ATRNL1: variants seen among roughly 807,000 people sequenced by gnomAD.
ATRNL1 encodes the protein attractin-like protein 1.
In ATRNL1, 95 loss-of-function variants were observed where a neutral mutation model predicts 182.7. The observed-to-expected ratio is 0.52, with a 90% CI of 0.44 to 0.62. ATRNL1 has a LOEUF of 0.62. ATRNL1 is among the 20% of genes least tolerant of loss of function. The probability of loss-of-function intolerance (pLI) is 0.00; values close to 1 mark genes in which losing one functional copy is unlikely to be tolerated. For synonymous variants in ATRNL1, 576 were observed against 568.3 expected (o/e 1.01, Z -0.19); for missense variants, 1,471 against 1,679.5 (o/e 0.88, Z 2.17).
chr10:115,245,328 G>A (rs934342315), intron 10 of ATRNL1, among the ~76,000 whole-genome samples: 2 of 151,422 alleles, frequency 1.3e-5, no homozygotes, highest in Admixed American at 6.6e-5. Flanking sequence ...GAGAAACCCC[G>A]TCTCTACTAA....
intron 28 of ATRNL1, among the ~76,000 whole-genome samples, chr10:115,880,735 A>T (rs553590422): frequency 6.6e-6 from 1 of 152,284 alleles, no homozygotes; most frequent in Admixed American, 6.5e-5. Context: ...TCATTTACCT[A>T]ATCAGTATTG....
chr10:115,217,244 A>G (rs1437134092), intron 9 of ATRNL1, among the ~76,000 whole-genome samples: 2 of 152,108 alleles, frequency 1.3e-5, no homozygotes, highest in Non-Finnish European at 2.9e-5. Context: ...ACACACCACC[A>G]TGCCCGGCTA....
intron 24 of ATRNL1, among the ~76,000 whole-genome samples, chr10:115,500,121 C>T (rs1183827276): frequency 6.6e-6 from 1 of 151,954 alleles, no homozygotes; most frequent in African/African-American, 2.4e-5. Context: ...GGATAATTGA[C>T]GTAGGCCACA....
chr10:115,357,556 T>A (rs1358145253), intron 19 of ATRNL1, among the ~76,000 whole-genome samples: 1 of 151,696 alleles, frequency 6.6e-6, no homozygotes, highest in Non-Finnish European at 1.5e-5. Flanking sequence ...AATATATTAT[T>A]TAGGAAGAAG....
intron 25 of ATRNL1, among the ~76,000 whole-genome samples, chr10:115,522,328 G>T (rs1475750442): frequency 2.6e-5 from 4 of 152,224 alleles, no homozygotes; most frequent in African/African-American, 4.8e-5. Context: ...AGAGGAAGCG[G>T]AGCTGGCATG....
At chr10:115,415,035 G>C (rs1554960616) in intron 20 of ATRNL1, among the ~76,000 whole-genome samples, 2 of 151,898 alleles carry the variant, frequency 1.3e-5, no homozygotes. Flanking sequence ...AATATTGGAG[G>C]TTTTTCTTAA....
intron 28 of ATRNL1, among the ~76,000 whole-genome samples, chr10:115,867,501 C>T (rs138791999): frequency 6.6e-6 from 1 of 152,246 alleles, no homozygotes; most frequent in Non-Finnish European, 1.5e-5. Context: ...TAGGGGTCCT[C>T]ATATGCTTTT....
intron 24 of ATRNL1, among the ~76,000 whole-genome samples, chr10:115,481,829 GA>G (rs533454665): frequency 1.8e-3 from 277 of 150,690 alleles, no homozygotes; most frequent in Non-Finnish European, 2.3e-3. Context: ...TTAGTCATTT[GA>G]AAAAAATATA....
rs550979203 is a variant in ATRNL1, at chr10:115,316,736, C to A, written c.3037+1000C>A. Among the ~76,000 whole-genome samples, 91 of 152,236 alleles carry A rather than the reference C, an allele frequency of 6.0e-4. 1 individual carries two copies. Among genetic ancestry groups the A allele is most frequent in the African/African-American group, 2.0e-3 (82 of 41,546 alleles). ...CTTTTGAGAAGTGTCTGTTCATATC[C>A]TTTGCCCAGTTTTTTACGGAGTTGT... On this transcript the variant is annotated intron_variant, in intron 18 of 28. Coordinates refer to ENST00000355044, the MANE Select transcript of ATRNL1 (RefSeq NM_207303.4).
intron 6 of ATRNL1, among the ~76,000 whole-genome samples, chr10:115,164,212 G>A (rs1162977832): frequency 1.3e-5 from 2 of 152,080 alleles, no homozygotes; most frequent in East Asian, 1.9e-4. Flanking sequence ...AAAAAAATAC[G>A]AATTTTCTTT....
At chr10:115,867,139 T>C (rs201959572) in intron 28 of ATRNL1, among the ~76,000 whole-genome samples, 2 of 152,182 alleles carry the variant, frequency 1.3e-5, no homozygotes, top group Admixed American at 1.3e-4. Flanking sequence ...TTTTTTTCTT[T>C]AAAAAAATAA....
chr10:115,573,989 A>G (rs556022387), intron 26 of ATRNL1, among the ~76,000 whole-genome samples: 1 of 152,306 alleles, frequency 6.6e-6, no homozygotes, highest in East Asian at 1.9e-4. Context: ...AACCTGTGAC[A>G]GACAGGAAAG....
chr10:115,944,726 T>C lies in ATRNL1; in HGVS notation c.4087T>C (p.Ser1363Pro). Residue 1363 changes from serine to proline, a missense_variant, in exon 29 of 29, where the codon TCT (serine) becomes CCT (proline). This residue lies in a region of ATRNL1 where 437 missense variants were observed against 506.0 expected (regional missense o/e 0.86). Transcript: ENST00000355044. ...QKASDSKDKT[S>P]GVRNRKHLST... The stretch of plus-strand genomic sequence containing the variant: ...AGCTTCAGATAGTAAAGATAAGACT[T>C]CTGGAGTCCGGAATCGAAAACACCT... The C allele has an allele frequency of 6.2e-7, 1 of 1,613,716 alleles. No individual in the cohort carries two copies.
chr10:115,944,351 G>C (rs1341912651), intron 28 of ATRNL1, among the ~76,000 whole-genome samples: 1 of 150,528 alleles, frequency 6.6e-6, no homozygotes, highest in East Asian at 1.9e-4. Context: ...CTCGTGTTCA[G>C]ACATGGAGAG....
chr10:115,890,813 T>C (rs1380545053), intron 28 of ATRNL1, among the ~76,000 whole-genome samples: 1 of 152,198 alleles, frequency 6.6e-6, no homozygotes, highest in Admixed American at 6.5e-5. Flanking sequence ...ACAGGTTTGC[T>C]CGATGGCCTG....
At chr10:115,259,366 A>G (rs185981754) in intron 10 of ATRNL1, among the ~76,000 whole-genome samples, 2,233 of 151,594 alleles carry the variant, frequency 0.015, 51 homozygotes, top group African/African-American at 0.05. Flanking sequence ...TCGCAGTTCA[A>G]TCTCAGACTG....
intron 13 of ATRNL1, among the ~76,000 whole-genome samples, chr10:115,276,241 AC>A (rs1458360166): frequency 6.6e-6 from 1 of 152,088 alleles, no homozygotes; most frequent in Non-Finnish European, 1.5e-5. Context: ...TGATTAAATT[AC>A]GTCCCAAAAG....
chr10:115,222,815 T>C (rs1849521320), intron 9 of ATRNL1, among the ~76,000 whole-genome samples: 1 of 152,050 alleles, frequency 6.6e-6, no homozygotes, highest in Non-Finnish European at 1.5e-5. Flanking sequence ...GCTATTGAAG[T>C]AGAAGAAAAA....
At chr10:115,729,079 G>C (rs1351018046) in intron 27 of ATRNL1, among the ~76,000 whole-genome samples, 2 of 151,990 alleles carry the variant, frequency 1.3e-5, no homozygotes, top group Admixed American at 1.3e-4. Flanking sequence ...AAGAAATAAA[G>C]AACTAGAAAA....
Sources: allele counts gnomAD v4.1 joint callset (sites outside exome capture counted in the v4.1 genomes callset), GRCh38; gene constraint gnomAD v4.1.1; regional missense constraint gnomAD v4.1.1; transcripts MANE v1.5; gene names NCBI Gene and HGNC (gene_info 2026-07-23, HGNC 2026-07-21).